The following PHLPP1 variants were observed in gnomAD, a reference collection of about 807,000 sequenced individuals.
PHLPP1 encodes PH domain and leucine rich repeat protein phosphatase 1, also known as PH domain leucine-rich repeat-containing protein phosphatase 1.
Under a neutral mutation model 117.2 loss-of-function variants are expected in PHLPP1, and 42 were observed. The observed-to-expected ratio is 0.36, with a 90% CI of 0.28 to 0.46. The LOEUF (loss-of-function observed/expected upper bound fraction) is 0.46. Among genes scored for constraint, PHLPP1 ranks in the 20% least tolerant of loss-of-function variants. PHLPP1 has a pLI of 1.00. For synonymous variants in PHLPP1, 1,042 were observed against 970.7 expected, an observed-to-expected ratio of 1.07 and a Z score of -1.37; for missense variants, 2,084 against 2,241.9, an observed-to-expected ratio of 0.93 and a Z score of 1.42.
intron 16 of PHLPP1, among the ~76,000 whole-genome samples, chr18:62,976,297 C>A (rs754146173): frequency 3.9e-5 from 6 of 152,270 alleles, no homozygotes; most frequent in Admixed American, 3.9e-4. Context: ...TGCTCAACAC[C>A]CCACAATGCA....
chr18:62,820,847 T>C (rs896568765), intron 1 of PHLPP1, among the ~76,000 whole-genome samples: 7 of 152,232 alleles, frequency 4.6e-5, no homozygotes, highest in African/African-American at 1.7e-4. Flanking sequence ...ATTTTGTTTT[T>C]AATTCAGCAC....
chr18:62,958,224 CTTT>C (rs1324110242), intron 12 of PHLPP1, among the ~76,000 whole-genome samples: 1 of 152,114 alleles, frequency 6.6e-6, no homozygotes, highest in Non-Finnish European at 1.5e-5. Flanking sequence ...ACTCAGCCTT[CTTT>C]GTTTTTTGTT....
intron 1 of PHLPP1, among the ~76,000 whole-genome samples, chr18:62,723,942 T>C (rs1238239031): frequency 6.6e-6 from 1 of 151,810 alleles, no homozygotes; most frequent in Non-Finnish European, 1.5e-5. Context: ...AGAGAGCCTG[T>C]TTTTTTTGAA....
At chr18:62,897,666 C>G (rs1916598124) in intron 6 of PHLPP1, among the ~76,000 whole-genome samples, 1 of 152,108 alleles carries the variant, frequency 6.6e-6, no homozygotes, top group South Asian at 2.1e-4. Flanking sequence ...GCCACCACAC[C>G]TGGCTAGTTT....
intron 1 of PHLPP1, among the ~76,000 whole-genome samples, chr18:62,801,574 T>C (rs879099882): frequency 6.6e-6 from 1 of 152,030 alleles, no homozygotes; most frequent in Non-Finnish European, 1.5e-5. Context: ...TGCCTCAGCC[T>C]CTTGAGTAGC....
rs11317555 is a variant in PHLPP1, at chr18:62,918,205, CAA to C, written c.2805-1735_2805-1734del. Among the ~76,000 whole-genome samples, 253 of 80,596 alleles carry C rather than the reference CAA, an allele frequency of 3.1e-3. 1 individual carries two copies. The Middle Eastern group carries it at 0.066, about 21-fold the overall frequency. 52.9% of individuals were successfully genotyped at this position (80,596 alleles called of 152,430 possible). On this transcript the variant is annotated intron_variant, in intron 9 of 16. Coordinates refer to ENST00000262719, the MANE Select transcript of PHLPP1 (RefSeq NM_194449.4). ...TGGGCGACAGAGTGAGACTCTGTCT[CAA>C]AAAAAAAAAAAAAAAAAAGAGTTTG...
In PHLPP1 at chr18:62,723,457, A is replaced by AT. The variant is rs1390914849; in HGVS notation, c.1576+6205dup. ...TTAGAGAGAATTTGAATTGGTTGTAATTTTTTTAAAGGGTTTTTCTCACAT... is the reference window on the plus strand; with the variant it reads ...TTAGAGAGAATTTGAATTGGTTGTAATTTTTTTTAAAGGGTTTTTCTCACAT... On this transcript the variant is annotated intron_variant, in intron 1 of 16. Transcript: ENST00000262719. Among the ~76,000 whole-genome samples, 13 of 152,278 alleles carry AT rather than the reference A, an allele frequency of 8.5e-5. No individual in the cohort carries two copies. In the East Asian group the frequency reaches 1.7e-3, roughly 20 times the overall value.
chr18:62,886,118 C>T (rs1916282251), intron 4 of PHLPP1, among the ~76,000 whole-genome samples: 1 of 152,122 alleles, frequency 6.6e-6, no homozygotes, highest in African/African-American at 2.4e-5. Context: ...ACCGTACTTT[C>T]ATTTTATAAT....
chr18:62,974,268 C>T (rs1176055287), intron 15 of PHLPP1, among the ~76,000 whole-genome samples: 1 of 152,186 alleles, frequency 6.6e-6, no homozygotes, highest in Non-Finnish European at 1.5e-5. Context: ...ATAGGCCCTT[C>T]TCCAGGGTCT....
At chr18:62,863,362 C>T (rs1188380192) in intron 4 of PHLPP1, among the ~76,000 whole-genome samples, 1 of 151,928 alleles carries the variant, frequency 6.6e-6, no homozygotes, top group Non-Finnish European at 1.5e-5. Flanking sequence ...CACCACCACG[C>T]ACAGCTAGAA....
intron 15 of PHLPP1, among the ~76,000 whole-genome samples, chr18:62,974,274 G>A (rs1443145087): frequency 1.3e-5 from 2 of 152,124 alleles, no homozygotes; most frequent in Non-Finnish European, 2.9e-5. Flanking sequence ...CCTTCTCCAG[G>A]GTCTTTTGTA....
intron 15 of PHLPP1, among the ~76,000 whole-genome samples, chr18:62,973,297 G>A (rs1255067405): frequency 1.3e-5 from 2 of 152,196 alleles, no homozygotes; most frequent in Non-Finnish European, 2.9e-5. Context: ...AGAGCTTTAG[G>A]TTGCTGTAGA....
In PHLPP1 at chr18:62,931,074, G is replaced by A. The variant is rs143730549; in HGVS notation, c.2961-10644G>A. ...TAGCCGGGAATGGTGGCACGTGCCT[G>A]TAGTCCTAGCTACTTGGGAGGCTGA... On this transcript the variant is annotated intron_variant, in intron 10 of 16. Coordinates refer to ENST00000262719, the MANE Select transcript of PHLPP1 (RefSeq NM_194449.4). Among the ~76,000 whole-genome samples, 45 of 152,144 alleles carry A rather than the reference G, an allele frequency of 3.0e-4. No homozygotes were observed. The East Asian group carries it at 6.8e-3, about 23-fold the overall frequency.
At chr18:62,765,733 C>T (rs986783503) in intron 1 of PHLPP1, among the ~76,000 whole-genome samples, 2 of 152,062 alleles carry the variant, frequency 1.3e-5, no homozygotes, top group Non-Finnish European at 1.5e-5. Flanking sequence ...CAGTGGCTCA[C>T]GCCTGTAATC....
At chr18:62,933,870 T>C (rs149974839) in intron 10 of PHLPP1, among the ~76,000 whole-genome samples, 25 of 151,780 alleles carry the variant, frequency 1.6e-4, no homozygotes, top group African/African-American at 5.5e-4. Context: ...CAAATATCTA[T>C]AAGAAACTTA....
At chr18:62,851,711 G>C (rs553815105) in intron 3 of PHLPP1, among the ~76,000 whole-genome samples, 1 of 151,820 alleles carries the variant, frequency 6.6e-6, no homozygotes, top group African/African-American at 2.4e-5. Context: ...TGCCTGCCTC[G>C]GCCTCCCAAA....
At chr18:62,826,207 C>T (rs779707012) in intron 1 of PHLPP1, 3 of 365,298 alleles carry the variant, frequency 8.2e-6, no homozygotes, top group East Asian at 7.6e-5. Flanking sequence ...TTTAAGGTAG[C>T]TTTATATGAC....
chr18:62,920,323 T>C (rs1187932396), intron 10 of PHLPP1, among the ~76,000 whole-genome samples: 1 of 152,178 alleles, frequency 6.6e-6, no homozygotes, highest in Non-Finnish European at 1.5e-5. Flanking sequence ...ACTTTGCTGC[T>C]CTCTGGAGCA....
At chr18:62,830,350 C>T (rs1220925070) in intron 2 of PHLPP1, 119 bp downstream of exon 2, 2 of 744,628 alleles carry the variant, frequency 2.7e-6, no homozygotes, top group East Asian at 5.7e-5. Context: ...AAGCGATTCT[C>T]CTGCCTCAGC....
Sources: gnomAD v4.1 joint callset for allele counts (sites outside exome capture counted in the v4.1 genomes callset) on GRCh38, gnomAD v4.1.1 for gene constraint, MANE v1.5 for transcripts, NCBI Gene and HGNC (gene_info 2026-07-23, HGNC 2026-07-21) for gene names.